The following GABRG1 variants were observed in gnomAD, a reference collection of about 807,000 sequenced individuals.
GABRG1 encodes the protein gamma-aminobutyric acid type A receptor subunit gamma1.
A neutral mutation model predicts 49.8 loss-of-function variants in GABRG1; 49 were observed. That is an observed-to-expected ratio of 0.98 (90% CI 0.78 to 1.25). The LOEUF is 1.25. Ranked by LOEUF, GABRG1 falls within the 50% of genes most tolerant of loss-of-function variation. The pLI is 0.00. For synonymous variants in GABRG1, 232 were observed against 185.1 expected (o/e 1.25, Z -2.06); for missense variants, 552 against 552.3 (o/e 1.00, Z 0.01).
intron 3 of GABRG1, among the ~76,000 whole-genome samples, chr4:46,077,726 A>G (rs766124321): frequency 2.6e-5 from 4 of 151,760 alleles, no homozygotes; most frequent in Non-Finnish European, 5.9e-5. Flanking sequence ...ATCTTTTCTG[A>G]TATCTTTTTT....
intron 5 of GABRG1, among the ~76,000 whole-genome samples, chr4:46,060,653 C>A (rs1718637439): frequency 6.6e-6 from 1 of 152,166 alleles, no homozygotes; most frequent in South Asian, 2.1e-4. Context: ...GCACTAGGAT[C>A]TCTATTAGTC....
chr4:46,104,602 C>A (rs148494363), intron 1 of GABRG1, among the ~76,000 whole-genome samples: 13 of 151,496 alleles, frequency 8.6e-5, no homozygotes, highest in African/African-American at 2.9e-4. Context: ...GCATTACATT[C>A]CTGTAATTAT....
chr4:46,118,104 GTA>G (rs1720982705), intron 1 of GABRG1, among the ~76,000 whole-genome samples: 1 of 135,426 alleles, frequency 7.4e-6, no homozygotes, highest in South Asian at 2.1e-4. Context: ...ACATATGTGT[GTA>G]TATATACATA....
At chr4:46,063,665 C>A (rs957613116) in intron 5 of GABRG1, among the ~76,000 whole-genome samples, 1 of 151,988 alleles carries the variant, frequency 6.6e-6, no homozygotes, top group African/African-American at 2.4e-5. Flanking sequence ...GCAACAAAAG[C>A]CAAAATTGAC....
chr4:46,057,005 G>A (rs1489866080), intron 7 of GABRG1, among the ~76,000 whole-genome samples: 1 of 152,014 alleles, frequency 6.6e-6, no homozygotes. Flanking sequence ...AATTCTTTTA[G>A]AAACTTCCAA....
At chr4:46,115,670 A>G (rs1264453180) in intron 1 of GABRG1, among the ~76,000 whole-genome samples, 2 of 150,794 alleles carry the variant, frequency 1.3e-5, no homozygotes, top group African/African-American at 4.8e-5. Flanking sequence ...TTTATAGTCT[A>G]TTTTATATGG....
intron 5 of GABRG1, 74 bp from the exon 6 acceptor site, chr4:46,058,696 AG>A: frequency 8.6e-7 from 1 of 1,167,932 alleles, no homozygotes; most frequent in Non-Finnish European, 1.2e-6. Context: ...ATCCAAAGGT[AG>A]ATTCTTGGAA....
At chr4:46,048,959 AT>A (rs1423205266) in intron 8 of GABRG1, among the ~76,000 whole-genome samples, 1 of 151,960 alleles carries the variant, frequency 6.6e-6, no homozygotes, top group Non-Finnish European at 1.5e-5. Flanking sequence ...AAGGATTTTA[AT>A]TTTGCTTAAT....
At chr4:46,120,876 T>C (rs538160203) in intron 1 of GABRG1, among the ~76,000 whole-genome samples, 1 of 151,890 alleles carries the variant, frequency 6.6e-6, no homozygotes, top group South Asian at 2.1e-4. Flanking sequence ...TAGGTTACTT[T>C]TGGTAACAGC....
chr4:46,058,492 C>G lies in GABRG1; in HGVS notation c.756G>C (p.Thr252=), dbSNP rs139933358. The change falls in exon 6 of 9, where the codon ACG becomes ACC. Residue 252 remains threonine (T), a synonymous_variant. Coordinates refer to ENST00000295452, the MANE Select transcript of GABRG1 (RefSeq NM_173536.4). ...GLRNSTEITH[T]ISGDYVIMTI... ...TTTGAGTATTCTTTTTACCAGAGATCGTGTGAGTGATTTCAGTTGAGTTCC... is the reference window on the plus strand; with the variant it reads ...TTTGAGTATTCTTTTTACCAGAGATGGTGTGAGTGATTTCAGTTGAGTTCC... 4.3e-6 allele frequency: 7 copies of G among 1,612,258 alleles called. No individual in the cohort carries two copies. The highest frequency in any genetic ancestry group is 5.9e-6 in the Non-Finnish European group (7 of 1,179,304).
rs137957777 is a variant in GABRG1 at position 46,116,406 on chromosome 4, G to A, written c.104+7404C>T. Among the ~76,000 whole-genome samples the A allele has an allele frequency of 2.5e-3, 384 of 150,778 alleles. 1 individual carries two copies. The highest frequency in any genetic ancestry group is 9.1e-3 in the African/African-American group (375 of 41,356). Reference sequence around the variant, plus strand: ...GACTTAGAAAAAAAATACAAATCGTGGTGACATTCACACTCTCTGAGACTT... The same window carrying A: ...GACTTAGAAAAAAAATACAAATCGTAGTGACATTCACACTCTCTGAGACTT... On this transcript the variant is annotated intron_variant, in intron 1 of 8. Transcript: ENST00000295452.
intron 2 of GABRG1, among the ~76,000 whole-genome samples, chr4:46,085,687 A>G (rs1437151893): frequency 6.6e-6 from 1 of 151,472 alleles, no homozygotes; most frequent in Non-Finnish European, 1.5e-5. Context: ...TTAAGAAAAA[A>G]AACCAGAAAT....
At chr4:46,093,251 C>A (rs1031073903) in intron 2 of GABRG1, among the ~76,000 whole-genome samples, 1 of 151,832 alleles carries the variant, frequency 6.6e-6, no homozygotes, top group Non-Finnish European at 1.5e-5. Context: ...TATATGTATA[C>A]AATTGAGTAC....
At chr4:46,098,873 A>G (rs1383040651) in intron 1 of GABRG1, among the ~76,000 whole-genome samples, 3 of 151,652 alleles carry the variant, frequency 2.0e-5, no homozygotes, top group African/African-American at 7.3e-5. Flanking sequence ...ACTTAATTGT[A>G]TCATCAGATT....
At chr4:46,093,999 A>G (rs955431506) in intron 2 of GABRG1, among the ~76,000 whole-genome samples, 1 of 152,028 alleles carries the variant, frequency 6.6e-6, no homozygotes, top group Non-Finnish European at 1.5e-5. Context: ...TAATGTAGAT[A>G]CCAATAACAA....
rs1415003018 is a variant in GABRG1 at position 46,040,845 on chromosome 4, A to T, written c.*143T>A. 1 of 808,338 alleles carries T rather than the reference A, an allele frequency of 1.2e-6. No individual in the cohort carries two copies. Among genetic ancestry groups the T allele is most frequent in the East Asian group, 2.6e-5 (1 of 38,556 alleles). 50.1% of individuals were successfully genotyped at this position (808,338 alleles called of 1,614,324 possible). On this transcript the variant is annotated 3_prime_UTR_variant, in exon 9 of 9. Coordinates refer to ENST00000295452, the MANE Select transcript of GABRG1 (RefSeq NM_173536.4). ...AAGCTGCTACTTTATTTACTTCTGA[A>T]GGCCTTAAAATAGTTACAATACTAT...
chr4:46,117,033 T>C (rs1230960394), intron 1 of GABRG1, among the ~76,000 whole-genome samples: 1 of 150,554 alleles, frequency 6.6e-6, no homozygotes, highest in Admixed American at 6.7e-5. Context: ...CTGTACCTAA[T>C]GTACAACCAT....
chr4:46,058,744 A>G (rs1718554457), intron 5 of GABRG1, 122 bp from the exon 6 acceptor site: 1 of 702,644 alleles, frequency 1.4e-6, no homozygotes, highest in South Asian at 2.0e-5. Context: ...TATGCCAAAC[A>G]TAGAATATTT....
At chr4:46,045,546 G>A (rs145445740) in intron 8 of GABRG1, among the ~76,000 whole-genome samples, 2 of 151,632 alleles carry the variant, frequency 1.3e-5, no homozygotes, top group East Asian at 1.9e-4. Context: ...GAAAATGTAC[G>A]ACTCCTTAAG....
Sources: gnomAD v4.1 joint callset for allele counts (sites outside exome capture counted in the v4.1 genomes callset) on GRCh38, gnomAD v4.1.1 for gene constraint, MANE v1.5 for transcripts, NCBI Gene and HGNC (gene_info 2026-07-23, HGNC 2026-07-21) for gene names.